Variants in PDE1C observed in about 807,000 individuals in gnomAD.
PDE1C encodes dual specificity calcium/calmodulin-dependent 3',5'-cyclic nucleotide phosphodiesterase 1C.
In PDE1C, 62 loss-of-function variants were observed where a neutral mutation model predicts 93.1. That is an observed-to-expected ratio of 0.67 (90% CI 0.54 to 0.82). PDE1C has a LOEUF of 0.82. Ranked by LOEUF, PDE1C falls within the 40% of genes least tolerant of loss-of-function variation. PDE1C has a pLI of 0.00. For synonymous variants in PDE1C, 325 were observed against 310.1 expected (o/e 1.05, Z -0.50); for missense variants, 742 against 884.6 (o/e 0.84, Z 2.04).
chr7:32,197,777 T>C (rs192682257), intron 2 of PDE1C, among the ~76,000 whole-genome samples: 5 of 152,232 alleles, frequency 3.3e-5, no homozygotes, highest in South Asian at 2.1e-4. Context: ...AATATTTAAA[T>C]AGCCTTCTAG....
At chr7:32,325,973 G>A (rs1274890420) in intron 1 of PDE1C, among the ~76,000 whole-genome samples, 1 of 152,110 alleles carries the variant, frequency 6.6e-6, no homozygotes, top group Non-Finnish European at 1.5e-5. Flanking sequence ...GAGAAGTGGA[G>A]GTGGTTGGAA....
At chr7:31,908,708 C>T (rs1196592072) in intron 2 of PDE1C, among the ~76,000 whole-genome samples, 2 of 152,160 alleles carry the variant, frequency 1.3e-5, no homozygotes, top group African/African-American at 4.8e-5. Context: ...GGGTCACACA[C>T]CTAAAAAGTG....
chr7:32,165,217 C>T (rs1802159891), intron 3 of PDE1C, among the ~76,000 whole-genome samples: 1 of 152,168 alleles, frequency 6.6e-6, no homozygotes, highest in African/African-American at 2.4e-5. Flanking sequence ...TGTAAGGATT[C>T]CAGTGAGTGC....
Position 32,315,809 on chromosome 7 carries a change from A to T in PDE1C, c.311-106270T>A, listed in dbSNP as rs190320891. Among the ~76,000 whole-genome samples, 532 of 152,230 alleles carry T rather than the reference A, an allele frequency of 3.5e-3. 2 individuals carry two copies. The highest frequency in any genetic ancestry group is 0.012 in the African/African-American group (508 of 41,530). On this transcript the variant is annotated intron_variant, in intron 1 of 1. Coordinates refer to the PDE1C transcript ENST00000672256. ...TTGGGTGTTCGAGACCAGCCTAACC[A>T]ACATGGAGAAACCCTGTCTCTACTA...
chr7:32,194,208 T>C (rs1804447888), intron 2 of PDE1C, among the ~76,000 whole-genome samples: 1 of 152,128 alleles, frequency 6.6e-6, no homozygotes, highest in South Asian at 2.1e-4. Flanking sequence ...GCCAGGCCAG[T>C]AGTTTATGCT....
chr7:31,843,976 TA>T (rs1792230616), intron 9 of PDE1C, among the ~76,000 whole-genome samples: 2 of 151,758 alleles, frequency 1.3e-5, no homozygotes, highest in African/African-American at 4.8e-5. Context: ...ATGTAACATT[TA>T]AAAATCCTGC....
At chr7:31,902,448 G>T (rs1800103668) in intron 2 of PDE1C, among the ~76,000 whole-genome samples, 1 of 151,778 alleles carries the variant, frequency 6.6e-6, no homozygotes, top group Non-Finnish European at 1.5e-5. Flanking sequence ...AAAAATGGTT[G>T]CTTTTGTAAA....
intron 16 of PDE1C, 116 bp from the exon 17 acceptor site, chr7:31,775,848 A>T: frequency 1.2e-6 from 1 of 803,048 alleles, no homozygotes; most frequent in South Asian, 1.6e-5. Flanking sequence ...GTTTAGAAGC[A>T]GGTTAGGTGA....
chr7:31,972,760 G>A (rs1381204684), intron 2 of PDE1C, among the ~76,000 whole-genome samples: 2 of 152,150 alleles, frequency 1.3e-5, no homozygotes, highest in Non-Finnish European at 2.9e-5. Flanking sequence ...CCATCCGGAG[G>A]CAGAAGATGT....
intron 1 of PDE1C, among the ~76,000 whole-genome samples, chr7:32,267,676 C>G (rs1378929717): frequency 6.6e-6 from 1 of 150,430 alleles, no homozygotes; most frequent in East Asian, 2.0e-4. Context: ...AGTCTCTTCT[C>G]TAGCACCCCT....
At chr7:31,854,774 G>T (rs1793782015) in intron 7 of PDE1C, among the ~76,000 whole-genome samples, 1 of 152,060 alleles carries the variant, frequency 6.6e-6, no homozygotes, top group Non-Finnish European at 1.5e-5. Context: ...GAGGCTTAAA[G>T]AACACTTCCG....
At chr7:31,722,782 G>A in the PDE1C span, among the ~76,000 whole-genome samples, 1 of 152,168 alleles carries the variant, frequency 6.6e-6, no homozygotes, top group Non-Finnish European at 1.5e-5. Context: ...AGTGCAGGAA[G>A]CAGGGGGATG....
chr7:32,043,921 A>G (rs1286004020), intron 2 of PDE1C, among the ~76,000 whole-genome samples: 1 of 152,196 alleles, frequency 6.6e-6, no homozygotes, highest in African/African-American at 2.4e-5. Context: ...ATGAGTCACA[A>G]TCCAAACTTA....
intron 3 of PDE1C, among the ~76,000 whole-genome samples, chr7:32,091,884 G>A (rs1419862694): frequency 6.6e-6 from 1 of 152,166 alleles, no homozygotes; most frequent in African/African-American, 2.4e-5. Flanking sequence ...GAAAGTCCAG[G>A]TAAGAGGCTA....
At chr7:31,934,670 T>C (rs975611080) in intron 2 of PDE1C, among the ~76,000 whole-genome samples, 1 of 152,146 alleles carries the variant, frequency 6.6e-6, no homozygotes, top group Non-Finnish European at 1.5e-5. Flanking sequence ...GTAGGAACAC[T>C]GTAAAGTTAT....
At chr7:31,671,934 G>A in the PDE1C span, among the ~76,000 whole-genome samples, 1 of 152,134 alleles carries the variant, frequency 6.6e-6, no homozygotes, top group Admixed American at 6.5e-5. Context: ...AAGGTCTTTT[G>A]TACTTGTGTG....
intron 1 of PDE1C, among the ~76,000 whole-genome samples, chr7:32,056,826 G>A (rs965981244): frequency 6.6e-6 from 1 of 152,176 alleles, no homozygotes; most frequent in Admixed American, 6.5e-5. Context: ...TTCCAGAATG[G>A]AAAAATTGGA....
At chr7:32,015,852 G>A (rs1425821613) in intron 2 of PDE1C, among the ~76,000 whole-genome samples, 1 of 152,108 alleles carries the variant, frequency 6.6e-6, no homozygotes, top group Non-Finnish European at 1.5e-5. Context: ...ATTGATACAT[G>A]TTCAATCTCA....
At chr7:32,004,816 A>G (rs1261561471) in intron 2 of PDE1C, among the ~76,000 whole-genome samples, 1 of 152,260 alleles carries the variant, frequency 6.6e-6, no homozygotes, top group African/African-American at 2.4e-5. Flanking sequence ...AAATAGTTCA[A>G]GTACACATAT....
Sources: allele counts gnomAD v4.1 joint callset (sites outside exome capture counted in the v4.1 genomes callset), GRCh38; gene constraint gnomAD v4.1.1; transcripts MANE v1.5; gene names NCBI Gene and HGNC (gene_info 2026-07-23, HGNC 2026-07-21).